Variants in TADA2A observed in about 807,000 individuals in gnomAD.
TADA2A encodes the protein transcriptional adaptor 2A.
In TADA2A, 38 loss-of-function variants were observed where a neutral mutation model predicts 67.4. The observed-to-expected ratio is 0.56, with a 90% CI of 0.44 to 0.74. The LOEUF is 0.74. Ranked by LOEUF, TADA2A falls within the 30% of genes least tolerant of loss-of-function variation. TADA2A has a pLI of 0.00. For missense variants in TADA2A, 454 were observed against 547.0 expected (o/e 0.83, Z 1.70); for synonymous variants, 192 against 181.6 (o/e 1.06, Z -0.46).
chr17:37,458,659 G>A (rs931295987), intron 9 of TADA2A, 72 bp downstream of exon 9: 3 of 1,211,734 alleles, frequency 2.5e-6, no homozygotes, highest in Non-Finnish European at 2.4e-6. Context: ...GTGTGTGTGT[G>A]TGTGTGTGTG....
chr17:37,421,159 C>T (rs1350626137), intron 2 of TADA2A, among the ~76,000 whole-genome samples: 1 of 146,694 alleles, frequency 6.8e-6, no homozygotes, highest in Non-Finnish European at 1.5e-5. Context: ...CTTTGGGAAG[C>T]TGAGGCAGGA....
At chr17:37,475,956 C>T (rs1258132607) in intron 15 of TADA2A, among the ~76,000 whole-genome samples, 1 of 152,154 alleles carries the variant, frequency 6.6e-6, no homozygotes, top group Non-Finnish European at 1.5e-5. Context: ...TCATATGCTC[C>T]TTTTATAATT....
intron 9 of TADA2A, among the ~76,000 whole-genome samples, chr17:37,461,392 G>A (rs1386622700): frequency 6.6e-6 from 1 of 152,210 alleles, no homozygotes; most frequent in Non-Finnish European, 1.5e-5. Flanking sequence ...TAGCTTCCAT[G>A]AAATGCTGAA....
Position 37,426,945 on chromosome 17 carries a change from T to C in TADA2A, c.133-5T>C, listed in dbSNP as rs1173251844. The stretch of plus-strand genomic sequence containing the variant: ...TTTGCTAATTTAATTTTTCTTTCTT[T>C]GCAGTGTTTCACTCGAGGCTTTGAG... On this transcript the variant is annotated splice_region_variant and splice_polypyrimidine_tract_variant and intron_variant, in intron 3 of 15. Transcript: ENST00000615182. The C allele has an allele frequency of 2.5e-6, 4 of 1,595,868 alleles. No individual in the cohort carries two copies. In the African/African-American group the frequency reaches 5.4e-5, roughly 22 times the overall value.
At chr17:37,426,889 C>A (rs1439446431) in intron 3 of TADA2A, 61 bp from the exon 4 acceptor site, 2 of 1,482,388 alleles carry the variant, frequency 1.3e-6, no homozygotes, top group Admixed American at 4.6e-5. Context: ...AAGAATAACA[C>A]AAACCTCCTC....
At chr17:37,431,996 TTAA>T (rs1483160616) in intron 4 of TADA2A, among the ~76,000 whole-genome samples, 1 of 152,182 alleles carries the variant, frequency 6.6e-6, no homozygotes, top group Non-Finnish European at 1.5e-5. Flanking sequence ...TCATAAAGGC[TTAA>T]TATCTAAAAC....
At chr17:37,416,143 A>C (rs1168941183) in intron 2 of TADA2A, among the ~76,000 whole-genome samples, 2 of 135,722 alleles carry the variant, frequency 1.5e-5, no homozygotes, top group Admixed American at 7.6e-5. Context: ...TTTTAAACGG[A>C]GTTTCACTCT....
chr17:37,457,920 G>T (rs1314085895), intron 8 of TADA2A, among the ~76,000 whole-genome samples: 1 of 152,110 alleles, frequency 6.6e-6, no homozygotes, highest in East Asian at 1.9e-4. Context: ...ATAGAAAGGA[G>T]AATTTTTTTT....
chr17:37,443,987 C>A (rs2053000337), intron 7 of TADA2A, among the ~76,000 whole-genome samples: 2 of 152,084 alleles, frequency 1.3e-5, no homozygotes, highest in Admixed American at 6.6e-5. Flanking sequence ...CTGTAAATCC[C>A]AGCACTTTGG....
chr17:37,457,221 C>T lies in TADA2A; in HGVS notation c.605-1303C>T, dbSNP rs866262802. Among the ~76,000 whole-genome samples, 106 of 137,880 alleles carry T rather than the reference C, an allele frequency of 7.7e-4. 2 individuals are homozygous for T. Among genetic ancestry groups the T allele is most frequent in the African/African-American group, 9.0e-4 (33 of 36,586 alleles). 90.5% of individuals were successfully genotyped at this position (137,880 alleles called of 152,430 possible). A position where few individuals can be genotyped will look rare whatever the true frequency, so the allele number is the denominator to read the frequency against. On this transcript the variant is annotated intron_variant, in intron 8 of 15. Coordinates refer to ENST00000615182, the MANE Select transcript of TADA2A (RefSeq NM_001166105.3). ...TTTGAGACGGAGTCTTGCAGCAATG[C>T]CCTGGCTGGAATGTAGTGGTGCCAT...
rs1000694048 is a variant in TADA2A, at chr17:37,442,286, C to T, written c.443-278C>T. Among the ~76,000 whole-genome samples, 7 of 142,358 alleles carry T rather than the reference C, an allele frequency of 4.9e-5. No homozygotes were observed. The East Asian group carries it at 6.2e-4, about 13-fold the overall frequency. 93.4% of individuals were successfully genotyped at this position (142,358 alleles called of 152,430 possible). On this transcript the variant is annotated intron_variant, in intron 6 of 15. Transcript: ENST00000615182. ...TAAGGGATAAGGGAGCCGAAGCCAA[C>T]GGTAAATATTTAGGTTCTGTAATAT...
At position 37,440,626 on chromosome 17, in the gene TADA2A, G is replaced by A. The variant is rs1218781306; in HGVS notation, c.406G>A (p.Glu136Lys). ...STLLNLKQAEEAKTADTAIPF... is the reference protein window; with the variant it reads ...STLLNLKQAEKAKTADTAIPF... ...CCTGCTGAACCTGAAACAAGCAGAG[G>A]AAGCAAAAACTGCTGACACAGCCAT... The change falls in exon 6 of 16, where the codon GAA becomes AAA. Residue 136 changes from glutamate to lysine, a missense_variant. Physicochemically the swap from Glu to Lys is moderately conservative, Grantham distance 56. Around this residue, in one of 2 missense-constraint regions of TADA2A, gnomAD observed 403 missense variants for 455.5 expected, o/e 0.88. Coordinates refer to ENST00000615182, the MANE Select transcript of TADA2A (RefSeq NM_001166105.3). The A allele has an allele frequency of 2.0e-5, 33 of 1,614,020 alleles. No individual in the cohort carries two copies. The highest frequency in any genetic ancestry group is 2.5e-5 in the Non-Finnish European group (30 of 1,180,030).
In TADA2A at chr17:37,423,562, C is replaced by G; in HGVS notation, c.79C>G (p.Pro27Ala). ...CRGCSSYLME[P>A]YIKCAECGPP... The stretch of plus-strand genomic sequence containing the variant: ...AGGCTGCTCCTCCTACCTCATGGAG[C>G]CTTATATCAAGTGTGCTGAATGTGG... The change falls in exon 3 of 16, where the codon CCT becomes GCT. Residue 27 changes from proline to alanine, a missense_variant. Pro to Ala is a conservative substitution (Grantham distance 27). Around this residue, in one of 2 missense-constraint regions of TADA2A, gnomAD observed 403 missense variants for 455.5 expected, o/e 0.88. Coordinates refer to ENST00000615182, the MANE Select transcript of TADA2A (RefSeq NM_001166105.3). 4 of 1,613,602 alleles carry G rather than the reference C, an allele frequency of 2.5e-6. No homozygotes were observed. The highest frequency in any genetic ancestry group is 3.4e-6 in the Non-Finnish European group (4 of 1,179,934).
chr17:37,434,974 C>T (rs1027782995), intron 4 of TADA2A, among the ~76,000 whole-genome samples: 13 of 152,180 alleles, frequency 8.5e-5, no homozygotes, highest in African/African-American at 3.1e-4. Flanking sequence ...CTGCCAGGCA[C>T]GGTGGCTCAT....
chr17:37,466,852 GGTT>G (rs1048589536), intron 11 of TADA2A, among the ~76,000 whole-genome samples: 1 of 152,102 alleles, frequency 6.6e-6, no homozygotes, highest in African/African-American at 2.4e-5. Context: ...AGGGAAACTT[GGTT>G]GTTAAAAAAA....
chr17:37,445,405 A>G (rs763542708), intron 8 of TADA2A, among the ~76,000 whole-genome samples: 5 of 152,188 alleles, frequency 3.3e-5, no homozygotes, highest in Non-Finnish European at 5.9e-5. Context: ...AGCTGGGATT[A>G]CAGGTGTTTG....
At chr17:37,423,706 A>T in intron 3 of TADA2A, 91 bp downstream of exon 3, 2 of 936,462 alleles carry the variant, frequency 2.1e-6, no homozygotes, top group Non-Finnish European at 3.2e-6. Flanking sequence ...TGCTAAGGAG[A>T]TCTATGTCTT....
intron 8 of TADA2A, among the ~76,000 whole-genome samples, chr17:37,445,146 T>A (rs1232535813): frequency 6.6e-6 from 1 of 152,200 alleles, no homozygotes; most frequent in Non-Finnish European, 1.5e-5. Context: ...TTCACTATAT[T>A]TTGTTACCCG....
intron 2 of TADA2A, among the ~76,000 whole-genome samples, chr17:37,422,073 T>C (rs1304644446): frequency 1.4e-5 from 2 of 141,754 alleles, no homozygotes; most frequent in Non-Finnish European, 3.1e-5. Flanking sequence ...TGAGACAGAG[T>C]AAGACTCTGT....
Sources: gnomAD v4.1 joint callset for allele counts (sites outside exome capture counted in the v4.1 genomes callset) on GRCh38, gnomAD v4.1.1 for gene constraint, gnomAD v4.1.1 regional missense constraint, MANE v1.5 for transcripts, NCBI Gene and HGNC (gene_info 2026-07-23, HGNC 2026-07-21) for gene names.